The following GALNT7 variants were observed in gnomAD, a reference collection of about 807,000 sequenced individuals.
The protein encoded by GALNT7 is N-acetylgalactosaminyltransferase 7.
GALNT7 carries 60 observed loss-of-function variants against 82.1 expected under a neutral mutation model. The ratio of observed to expected loss-of-function variants is 0.73; its 90% CI spans 0.59 to 0.91. GALNT7 has a LOEUF of 0.91. GALNT7 is among the 40% of genes least tolerant of loss of function. The pLI is 0.00. For missense variants in GALNT7, 660 were observed against 804.2 expected, an observed-to-expected ratio of 0.82 and a Z score of 2.17; for synonymous variants, 243 against 275.1, an observed-to-expected ratio of 0.88 and a Z score of 1.15.
intron 2 of GALNT7, among the ~76,000 whole-genome samples, chr4:173,270,333 T>C (rs1735676389): frequency 6.6e-6 from 1 of 152,162 alleles, no homozygotes; most frequent in Non-Finnish European, 1.5e-5. Flanking sequence ...TCAGTCAAAT[T>C]GCTCCTATGA....
chr4:173,175,877 A>G (rs978644658), intron 1 of GALNT7, among the ~76,000 whole-genome samples: 1 of 152,204 alleles, frequency 6.6e-6, no homozygotes, highest in African/African-American at 2.4e-5. Context: ...GTTTGAGACC[A>G]GCCTGGCCAA....
At position 173,182,817 on chromosome 4, in the gene GALNT7, TACACACAC is replaced by T. The variant is rs66792322; in HGVS notation, c.126+13876_126+13883del. ...GATGAGGCTAGTAGGTTACTCATAA[TACACACAC>T]ACACACACACACACACACAGCTTTT... On this transcript the variant is annotated intron_variant, in intron 1 of 11. Transcript: ENST00000265000. Among the ~76,000 whole-genome samples the T allele has an allele frequency of 4.6e-4, 62 of 134,898 alleles. 1 individual carries two copies. The highest frequency in any genetic ancestry group is 1.3e-3 in the African/African-American group (44 of 34,552). 88.5% of individuals were successfully genotyped at this position (134,898 alleles called of 152,430 possible).
At chr4:173,223,387 C>T (rs1321153269) in intron 1 of GALNT7, among the ~76,000 whole-genome samples, 2 of 151,946 alleles carry the variant, frequency 1.3e-5, no homozygotes, top group East Asian at 1.9e-4. Flanking sequence ...AAGATATAAC[C>T]TGAGTTATAC....
chr4:173,260,176 G>A (rs1201809972), intron 2 of GALNT7, among the ~76,000 whole-genome samples: 4 of 152,182 alleles, frequency 2.6e-5, no homozygotes, highest in African/African-American at 7.2e-5. Context: ...CTTGCTCAGT[G>A]TCTTCAATAG....
intron 2 of GALNT7, among the ~76,000 whole-genome samples, chr4:173,255,086 G>A (rs539792869): frequency 7.9e-5 from 12 of 152,278 alleles, no homozygotes; most frequent in African/African-American, 2.4e-4. Context: ...GTTAACTTAC[G>A]TTACCCCCAT....
intron 1 of GALNT7, among the ~76,000 whole-genome samples, chr4:173,198,920 G>A (rs1220883319): frequency 1.3e-5 from 2 of 152,140 alleles, no homozygotes; most frequent in Non-Finnish European, 2.9e-5. Context: ...CTCTTGAAGA[G>A]GTGATATTTG....
chr4:173,182,500 T>C (rs1170616909), intron 1 of GALNT7, among the ~76,000 whole-genome samples: 2 of 152,224 alleles, frequency 1.3e-5, no homozygotes, highest in Admixed American at 1.3e-4. Context: ...GGTCAGTTTC[T>C]TTTGGGTTCC....
At chr4:173,260,114 G>T (rs934050432) in intron 2 of GALNT7, among the ~76,000 whole-genome samples, 4 of 152,038 alleles carry the variant, frequency 2.6e-5, no homozygotes, top group Admixed American at 6.6e-5. Flanking sequence ...ACATACCATC[G>T]AATGCCAGAA....
chr4:173,225,018 AAATAATAATAATAAT>A (rs70944438), intron 1 of GALNT7, among the ~76,000 whole-genome samples: 219 of 144,564 alleles, frequency 1.5e-3, no homozygotes, highest in African/African-American at 5.4e-3. Context: ...CTGTCTCAAA[AAATAATAATAATAAT>A]AATAATAATA....
chr4:173,286,153 CATTA>C (rs1324050160), intron 2 of GALNT7, among the ~76,000 whole-genome samples: 3 of 152,210 alleles, frequency 2.0e-5, no homozygotes, highest in Non-Finnish European at 4.4e-5. Flanking sequence ...AATCCTTTCT[CATTA>C]ATTAAAATTT....
Position 173,278,249 on chromosome 4 carries a change from C to T in GALNT7, c.588-13859C>T, listed in dbSNP as rs1265931572. On this transcript the variant is annotated intron_variant, in intron 2 of 11. Transcript: ENST00000265000. ...AGACCAGGAGACTGTGTGATAGATA[C>T]CTCCTGCAGTGTGAGTTAGCAAGAT... 3.3e-5 allele frequency among the ~76,000 whole-genome samples: 5 copies of T among 152,322 alleles called. No individual in the cohort carries two copies. The South Asian group carries it at 1.0e-3, about 32-fold the overall frequency.
chr4:173,231,330 GTA>G (rs1286753569), intron 1 of GALNT7, among the ~76,000 whole-genome samples: 1 of 152,142 alleles, frequency 6.6e-6, no homozygotes, highest in Non-Finnish European at 1.5e-5. Flanking sequence ...AGACATTAAA[GTA>G]TATATTAATC....
At chr4:173,204,968 A>G (rs1247716553) in intron 1 of GALNT7, among the ~76,000 whole-genome samples, 1 of 152,200 alleles carries the variant, frequency 6.6e-6, no homozygotes, top group East Asian at 1.9e-4. Context: ...GAAGCCTTTC[A>G]CCAGTCAGCT....
At chr4:173,187,100 T>C (rs1404630141) in intron 1 of GALNT7, among the ~76,000 whole-genome samples, 1 of 152,142 alleles carries the variant, frequency 6.6e-6, no homozygotes, top group Non-Finnish European at 1.5e-5. Context: ...AAAGAATGTA[T>C]GTTCATTGTA....
At chr4:173,216,095 G>A (rs1733445036) in intron 1 of GALNT7, among the ~76,000 whole-genome samples, 1 of 152,184 alleles carries the variant, frequency 6.6e-6, no homozygotes, top group Non-Finnish European at 1.5e-5. Context: ...TCCAGCCTGG[G>A]TGACAGAGCA....
chr4:173,196,983 C>T (rs562752409), intron 1 of GALNT7, among the ~76,000 whole-genome samples: 1 of 151,896 alleles, frequency 6.6e-6, no homozygotes, highest in Admixed American at 6.6e-5. Flanking sequence ...GGGTTCTTTG[C>T]CCAGACACCC....
intron 2 of GALNT7, among the ~76,000 whole-genome samples, chr4:173,276,694 A>G (rs929763268): frequency 7.9e-5 from 12 of 152,190 alleles, no homozygotes; most frequent in African/African-American, 2.9e-4. Context: ...AGGAGGAAGC[A>G]GGGAGCTTCA....
intron 1 of GALNT7, among the ~76,000 whole-genome samples, chr4:173,208,672 C>T (rs1251829995): frequency 1.3e-5 from 2 of 152,190 alleles, no homozygotes; most frequent in African/African-American, 4.8e-5. Flanking sequence ...TGCTTCCTGT[C>T]GTTCCAGCCC....
chr4:173,282,922 T>C (rs1254027782), intron 2 of GALNT7, among the ~76,000 whole-genome samples: 1 of 152,188 alleles, frequency 6.6e-6, no homozygotes, highest in Non-Finnish European at 1.5e-5. Flanking sequence ...CTCCAGGTTA[T>C]GGGGGCACTT....
Sources: allele counts gnomAD v4.1 joint callset (sites outside exome capture counted in the v4.1 genomes callset), GRCh38; gene constraint gnomAD v4.1.1; transcripts MANE v1.5; gene names NCBI Gene and HGNC (gene_info 2026-07-23, HGNC 2026-07-21).